LINGO2: variants seen among roughly 807,000 people sequenced by gnomAD.
The protein encoded by LINGO2 is leucine rich repeat and Ig domain containing 2.
In LINGO2, 14 loss-of-function variants were observed where a neutral mutation model predicts 30.6. The ratio of observed to expected loss-of-function variants is 0.46; its 90% confidence interval spans 0.30 to 0.72. The LOEUF is 0.72. Among genes scored for constraint, LINGO2 ranks in the 30% least tolerant of loss-of-function variants. LINGO2 has a pLI of 0.07. For missense variants in LINGO2, 729 were observed against 751.7 expected (o/e 0.97, Z 0.35); for synonymous variants, 317 against 288.5 (o/e 1.10, Z -1.00).
chr9:28,727,455 T>A, the LINGO2 span, among the ~76,000 whole-genome samples: 4 of 152,060 alleles, frequency 2.6e-5, no homozygotes, highest in African/African-American at 9.7e-5. Context: ...CTGGCTAATT[T>A]TTTTGTATTT....
At chr9:28,168,490 TTTG>T (rs1828494178) in intron 4 of LINGO2, among the ~76,000 whole-genome samples, 1 of 151,908 alleles carries the variant, frequency 6.6e-6, no homozygotes, top group African/African-American at 2.4e-5. Context: ...ACTTCATGTG[TTTG>T]TTAAGGAGCT....
intron 4 of LINGO2, among the ~76,000 whole-genome samples, chr9:28,175,178 C>A (rs575783386): frequency 1.7e-4 from 26 of 152,186 alleles, no homozygotes; most frequent in African/African-American, 6.3e-4. Context: ...GACTGCCACC[C>A]CAAATACCAG....
the LINGO2 span, among the ~76,000 whole-genome samples, chr9:29,016,859 T>C: frequency 9.9e-5 from 15 of 152,192 alleles, no homozygotes; most frequent in Admixed American, 9.2e-4. Context: ...AAGAAGATCA[T>C]CTTTAGAGGC....
At chr9:29,212,517 C>T in the LINGO2 span, among the ~76,000 whole-genome samples, 1 of 152,142 alleles carries the variant, frequency 6.6e-6, no homozygotes, top group African/African-American at 2.4e-5. Flanking sequence ...CCAGGCTCAC[C>T]TGCCACCGCG....
chr9:28,557,458 C>A (rs1224477532), intron 1 of LINGO2, among the ~76,000 whole-genome samples: 3 of 152,062 alleles, frequency 2.0e-5, no homozygotes, highest in Non-Finnish European at 4.4e-5. Flanking sequence ...TACCATCTCA[C>A]ACCAGTTAGA....
At chr9:28,807,342 A>T in the LINGO2 span, among the ~76,000 whole-genome samples, 3 of 152,062 alleles carry the variant, frequency 2.0e-5, no homozygotes, top group African/African-American at 7.2e-5. Context: ...CTTATTTTAA[A>T]ATCAAGAGCA....
chr9:28,959,610 C>CACA, the LINGO2 span, among the ~76,000 whole-genome samples: 3 of 141,710 alleles, frequency 2.1e-5, no homozygotes, highest in South Asian at 2.2e-4. Context: ...TCTCTCTCTC[C>CACA]CTCACACACA....
At chr9:28,888,807 A>G in the LINGO2 span, 1 of 514,200 alleles carries the variant, frequency 1.9e-6, no homozygotes, top group South Asian at 1.5e-5. Flanking sequence ...AACTTGGAGG[A>G]ACTGACAACA....
intron 4 of LINGO2, among the ~76,000 whole-genome samples, chr9:28,085,314 G>A (rs1365748088): frequency 6.6e-6 from 1 of 152,038 alleles, no homozygotes; most frequent in Non-Finnish European, 1.5e-5. Context: ...GAGAAGAGGG[G>A]CCCTTCCACC....
chr9:28,456,540 T>C (rs1275916368), intron 2 of LINGO2, among the ~76,000 whole-genome samples: 1 of 152,200 alleles, frequency 6.6e-6, no homozygotes, highest in Non-Finnish European at 1.5e-5. Flanking sequence ...CAGAGCTTTG[T>C]ACCATTCTGA....
the LINGO2 span, among the ~76,000 whole-genome samples, chr9:29,022,835 C>T: frequency 6.6e-6 from 1 of 152,100 alleles, no homozygotes; most frequent in Non-Finnish European, 1.5e-5. Flanking sequence ...TTACTCTCTT[C>T]GTACATTCCC....
At chr9:27,967,942 CA>C (rs1160263554) in intron 5 of LINGO2, among the ~76,000 whole-genome samples, 3 of 152,148 alleles carry the variant, frequency 2.0e-5, no homozygotes, top group East Asian at 1.9e-4. Context: ...CTTTATATTC[CA>C]AAAACTGTAA....
chr9:28,998,094 C>T, the LINGO2 span, among the ~76,000 whole-genome samples: 1 of 152,124 alleles, frequency 6.6e-6, no homozygotes, highest in South Asian at 2.1e-4. Flanking sequence ...AAATCCAAAG[C>T]CCATACTTAA....
Position 28,634,279 on chromosome 9 carries a change from G to A in LINGO2, c.-365+35921C>T, listed in dbSNP as rs116638231. ...TTAAAATATTATATACACAACTGAG[G>A]GAATGTTGTGTAACTATCTAATGAG... is the stretch of plus-strand genomic sequence containing the variant. On this transcript the variant is annotated intron_variant, in intron 1 of 5. Coordinates refer to ENST00000379992, the Ensembl canonical transcript of LINGO2. 2.2e-3 allele frequency among the ~76,000 whole-genome samples: 332 copies of A among 151,944 alleles called. 3 individuals are homozygous for A. The highest frequency in any genetic ancestry group is 7.7e-3 in the African/African-American group (319 of 41,410).
At chr9:28,093,592 C>A (rs1384051561) in intron 4 of LINGO2, among the ~76,000 whole-genome samples, 1 of 151,938 alleles carries the variant, frequency 6.6e-6, no homozygotes, top group Admixed American at 6.6e-5. Flanking sequence ...TTATTAATGT[C>A]AGACACATTA....
chr9:28,241,041 C>A (rs916687593), intron 4 of LINGO2, among the ~76,000 whole-genome samples: 1 of 151,922 alleles, frequency 6.6e-6, no homozygotes, highest in Non-Finnish European at 1.5e-5. Context: ...GAGGCCAAGG[C>A]AGGCAGATCA....
the LINGO2 span, among the ~76,000 whole-genome samples, chr9:28,860,204 T>C: frequency 1.7e-4 from 26 of 152,244 alleles, no homozygotes; most frequent in African/African-American, 6.3e-4. Context: ...ACTGTGAAGA[T>C]TAATTTTATT....
intron 4 of LINGO2, among the ~76,000 whole-genome samples, chr9:28,223,345 T>A (rs4588952): frequency 0.64 from 97,721 of 152,018 alleles, 31,528 homozygotes; most frequent in Admixed American, 0.68. Flanking sequence ...TGGTCTCACA[T>A]GGAAGAAGGC....
intron 2 of LINGO2, among the ~76,000 whole-genome samples, chr9:28,419,793 CAA>C (rs1163435483): frequency 9.6e-5 from 13 of 136,086 alleles, no homozygotes; most frequent in African/African-American, 2.6e-4. Context: ...TACAAAAGAA[CAA>C]AGTTATGTAT....
Sources: gnomAD v4.1 joint callset for allele counts (sites outside exome capture counted in the v4.1 genomes callset) on GRCh38, gnomAD v4.1.1 for gene constraint, MANE v1.5 for transcripts, NCBI Gene and HGNC (gene_info 2026-07-23, HGNC 2026-07-21) for gene names.